THEMIS: variants seen among roughly 807,000 people sequenced by gnomAD.
THEMIS encodes protein THEMIS.
A neutral mutation model predicts 52.6 loss-of-function variants in THEMIS; 37 were observed. The observed-to-expected ratio is 0.70, with a 90% CI of 0.54 to 0.93. The LOEUF (loss-of-function observed/expected upper bound fraction) is 0.93, where lower values mean the gene tolerates loss of function less well. Ranked by LOEUF, THEMIS falls within the 40% of genes least tolerant of loss-of-function variation. THEMIS has a pLI of 0.00. For missense variants in THEMIS, 808 were observed against 763.1 expected (o/e 1.06, Z -0.69); for synonymous variants, 292 against 272.7 (o/e 1.07, Z -0.70).
rs1307677837 is a variant in THEMIS at position 127,915,244 on chromosome 6, A to T, written c.-150+3184T>A. 6.4e-5 allele frequency among the ~76,000 whole-genome samples: 6 copies of T among 94,198 alleles called. 1 individual carries two copies. Among genetic ancestry groups the T allele is most frequent in the Non-Finnish European group, 1.6e-4 (6 of 37,702 alleles). The allele number at this position is 94,198 out of a possible 152,430, so 61.8% of individuals were successfully genotyped here. On this transcript the variant is annotated intron_variant, in intron 1 of 6. Transcript: ENST00000368250. ...AGCAAAATGATGACAGTATAGTATC[A>T]TTTTGTTGTTGTTTGTTTGTTTGTT... is the stretch of plus-strand genomic sequence containing the variant.
At chr6:127,878,055 G>A (rs904999903) in intron 1 of THEMIS, among the ~76,000 whole-genome samples, 5 of 152,074 alleles carry the variant, frequency 3.3e-5, no homozygotes, top group African/African-American at 9.7e-5. Flanking sequence ...AACAACTACC[G>A]CAAATATCAC....
At chr6:127,794,926 TG>T (rs1777277643) in intron 4 of THEMIS, among the ~76,000 whole-genome samples, 1 of 152,090 alleles carries the variant, frequency 6.6e-6, no homozygotes, top group South Asian at 2.1e-4. Context: ...TTATTACTGA[TG>T]AAAATGTAAC....
chr6:127,730,529 A>G (rs532885977), intron 4 of THEMIS, among the ~76,000 whole-genome samples: 1 of 151,676 alleles, frequency 6.6e-6, no homozygotes, highest in South Asian at 2.1e-4. Context: ...GGAGGGAAGG[A>G]GGAAGGAAAG....
chr6:127,733,983 T>C (rs1774897928), intron 4 of THEMIS, among the ~76,000 whole-genome samples: 1 of 152,176 alleles, frequency 6.6e-6, no homozygotes, highest in African/African-American at 2.4e-5. Flanking sequence ...TGAGTGGCTG[T>C]ATGTAACTGG....
rs955206010 is a variant in THEMIS at position 127,813,149 on chromosome 6, G to C, written c.1492C>G (p.Pro498Ala). 6.2e-7 allele frequency: 1 copy of C among 1,614,030 alleles called. No individual in the cohort carries two copies. Among genetic ancestry groups the C allele is most frequent in the Non-Finnish European group, 8.5e-7 (1 of 1,180,008 alleles). The change falls in exon 4 of 6, where the codon CCC becomes GCC. Residue 498 changes from proline (P) to alanine (A), a missense_variant. By Grantham distance (27) the Pro-to-Ala change is conservative. Coordinates refer to ENST00000368248, the MANE Select transcript of THEMIS (RefSeq NM_001010923.3). ...SYLLISDFANPTECWEIPVGR... is the reference protein window; with the variant it reads ...SYLLISDFANATECWEIPVGR... ...ACAGGAATTTCCCAGCACTCCGTGG[G>C]GTTGGCAAAGTCACTTATGAGTAGG...
intron 5 of THEMIS, among the ~76,000 whole-genome samples, chr6:127,716,328 G>C (rs1774158192): frequency 6.6e-6 from 1 of 151,852 alleles, no homozygotes; most frequent in South Asian, 2.1e-4. Context: ...AGCAATTAAT[G>C]AGTGACCCAC....
At chr6:127,886,502 G>T (rs954894766) in intron 1 of THEMIS, among the ~76,000 whole-genome samples, 5 of 152,096 alleles carry the variant, frequency 3.3e-5, no homozygotes, top group African/African-American at 1.2e-4. Context: ...GAAAGTTTAT[G>T]CTAACAACAT....
chr6:127,799,125 G>A (rs1310104903), intron 4 of THEMIS, among the ~76,000 whole-genome samples: 1 of 152,094 alleles, frequency 6.6e-6, no homozygotes, highest in East Asian at 1.9e-4. Context: ...AAGGTAGAAA[G>A]GCTTGAGAAA....
At chr6:127,718,446 C>A (rs765729537) in intron 5 of THEMIS, among the ~76,000 whole-genome samples, 3 of 151,890 alleles carry the variant, frequency 2.0e-5, no homozygotes, top group Non-Finnish European at 4.4e-5. Context: ...GTACTACTCA[C>A]TCAAGGCACA....
chr6:127,813,228 G>A lies in THEMIS; in HGVS notation c.1413C>T (p.Asp471=), dbSNP rs113667008. 2.5e-6 allele frequency: 4 copies of A among 1,614,020 alleles called. No individual in the cohort carries two copies. The highest frequency in any genetic ancestry group is 1.3e-5 in the African/African-American group (1 of 74,998). ...VSVRDLSIEE[D]VLAATPGLQL... ...GCAGTCCTGGTGTGGCAGCCAACAC[G>A]TCCTCTTCAATGGAAAGATCCCTGA... The change falls in exon 4 of 6, where the codon GAC becomes GAT. Residue 471 remains aspartate, a synonymous_variant. Coordinates refer to ENST00000368248, the MANE Select transcript of THEMIS (RefSeq NM_001010923.3).
rs1781353635 is a variant in THEMIS at position 127,909,323 on chromosome 6, C to T, written c.-149-8242G>A. Among the ~76,000 whole-genome samples, 3 of 152,036 alleles carry T rather than the reference C, an allele frequency of 2.0e-5. No individual in the cohort carries two copies. In the South Asian group the frequency reaches 6.2e-4, roughly 32 times the overall value. Reference sequence around the variant, plus strand: ...ACTCACCTTGAATTGTAATAATACCCACATGTCAAGAGTGGGACCAGGTAG... The same window carrying T: ...ACTCACCTTGAATTGTAATAATACCTACATGTCAAGAGTGGGACCAGGTAG... On this transcript the variant is annotated intron_variant, in intron 1 of 6. Transcript: ENST00000368250.
intron 1 of THEMIS, among the ~76,000 whole-genome samples, chr6:127,889,982 T>C (rs1217523891): frequency 6.6e-6 from 1 of 152,156 alleles, no homozygotes; most frequent in Non-Finnish European, 1.5e-5. Flanking sequence ...CGTCTTCTAT[T>C]AGCACAATCT....
Position 127,787,850 on chromosome 6 carries a change from T to TATAGATAGATGATAGATAG in THEMIS, c.1758+25032_1758+25033insCTATCTATCATCTATCTAT, listed in dbSNP as rs779580245. Among the ~76,000 whole-genome samples, 144 of 137,582 alleles carry TATAGATAGATGATAGATAG rather than the reference T, an allele frequency of 1.0e-3. 1 individual carries two copies. The highest frequency in any genetic ancestry group is 3.9e-3 in the African/African-American group (139 of 35,838). 90.3% of individuals were successfully genotyped at this position (137,582 alleles called of 152,430 possible). A position where few individuals can be genotyped will look rare whatever the true frequency, so the allele number is the denominator to read the frequency against. On this transcript the variant is annotated intron_variant, in intron 4 of 5. Coordinates refer to ENST00000368248, the MANE Select transcript of THEMIS (RefSeq NM_001010923.3). ...AGATAGATAGATAGAGATAGACAGA[T>TATAGATAGATGATAGATAG]ATAGATAGATAGATAGATAGATAGA... is the stretch of plus-strand genomic sequence containing the variant.
intron 5 of THEMIS, among the ~76,000 whole-genome samples, chr6:127,715,677 G>C (rs1774131305): frequency 6.6e-6 from 1 of 151,858 alleles, no homozygotes; most frequent in East Asian, 1.9e-4. Context: ...CCTAAGAGGA[G>C]AGCTTTCCCA....
At chr6:127,782,851 CT>C (rs1195343881) in intron 4 of THEMIS, among the ~76,000 whole-genome samples, 1 of 152,182 alleles carries the variant, frequency 6.6e-6, no homozygotes, top group Non-Finnish European at 1.5e-5. Context: ...TCCCATCAAG[CT>C]ACCATGGATT....
chr6:127,729,672 C>G (rs553158527), intron 4 of THEMIS, among the ~76,000 whole-genome samples: 1 of 152,112 alleles, frequency 6.6e-6, no homozygotes, highest in Non-Finnish European at 1.5e-5. Context: ...ATGTATTCTC[C>G]GACTCTCCTC....
At chr6:127,809,950 T>A (rs759547418) in intron 4 of THEMIS, among the ~76,000 whole-genome samples, 4 of 151,022 alleles carry the variant, frequency 2.6e-5, no homozygotes, top group Non-Finnish European at 5.9e-5. Flanking sequence ...CCTTACAAAC[T>A]CCAGTTAAAA....
chr6:127,811,407 C>T (rs1777902741), intron 4 of THEMIS, among the ~76,000 whole-genome samples: 1 of 152,168 alleles, frequency 6.6e-6, no homozygotes, highest in South Asian at 2.1e-4. Flanking sequence ...TTTCCTCCAT[C>T]TTCAAATGCA....
intron 5 of THEMIS, among the ~76,000 whole-genome samples, chr6:127,710,989 C>CCCTT (rs200901208): frequency 8.4e-5 from 12 of 143,330 alleles, no homozygotes; most frequent in African/African-American, 3.1e-4. Flanking sequence ...CTCCCTCCCT[C>CCCTT]CCTTCCTTCC....
Sources: allele counts gnomAD v4.1 joint callset (sites outside exome capture counted in the v4.1 genomes callset), GRCh38; gene constraint gnomAD v4.1.1; transcripts MANE v1.5; gene names NCBI Gene and HGNC (gene_info 2026-07-23, HGNC 2026-07-21).